NPAS3: variants seen among roughly 807,000 people sequenced by gnomAD.
NPAS3 encodes neuronal PAS domain-containing protein 3.
Under a neutral mutation model 73.1 loss-of-function variants are expected in NPAS3, and 14 were observed. The ratio of observed to expected loss-of-function variants is 0.19; its 90% CI spans 0.13 to 0.30. The LOEUF is 0.30. Ranked by LOEUF, NPAS3 falls within the 10% of genes least tolerant of loss-of-function variation. The pLI is 1.00. For missense variants in NPAS3, 1,096 were observed against 1,250.0 expected (o/e 0.88, Z 1.86); for synonymous variants, 620 against 541.5 (o/e 1.14, Z -2.01).
chr14:33,456,859 A>T (rs942993214), intron 4 of NPAS3, among the ~76,000 whole-genome samples: 9 of 152,162 alleles, frequency 5.9e-5, no homozygotes, highest in Non-Finnish European at 4.4e-5. Flanking sequence ...GGGCTGCAGA[A>T]ATCAGGATTT....
At chr14:33,266,696 A>G (rs954801434) in intron 3 of NPAS3, among the ~76,000 whole-genome samples, 5 of 152,178 alleles carry the variant, frequency 3.3e-5, no homozygotes, top group Admixed American at 2.0e-4. Context: ...CATGGCCAAT[A>G]TAGGTCTTGA....
chr14:33,516,445 T>C (rs1430707958), intron 4 of NPAS3, among the ~76,000 whole-genome samples: 1 of 152,186 alleles, frequency 6.6e-6, no homozygotes, highest in Non-Finnish European at 1.5e-5. Context: ...AATTACATAC[T>C]GTGGAATAGA....
chr14:33,109,208 G>C (rs943235396), intron 2 of NPAS3, among the ~76,000 whole-genome samples: 2 of 152,114 alleles, frequency 1.3e-5, no homozygotes, highest in African/African-American at 4.8e-5. Context: ...CTGAGCATGA[G>C]GTTAGAATAC....
intron 3 of NPAS3, among the ~76,000 whole-genome samples, chr14:33,316,049 T>C (rs1233079438): frequency 6.6e-6 from 1 of 152,116 alleles, no homozygotes; most frequent in Non-Finnish European, 1.5e-5. Flanking sequence ...ATAGAGCATG[T>C]TCCTGTGAGA....
intron 2 of NPAS3, among the ~76,000 whole-genome samples, chr14:33,178,583 G>C (rs954036839): frequency 3.3e-5 from 5 of 152,136 alleles, no homozygotes; most frequent in Non-Finnish European, 5.9e-5. Context: ...TTTAGATGCT[G>C]TTATAAATGG....
chr14:33,737,771 G>T (rs538802739), intron 7 of NPAS3, among the ~76,000 whole-genome samples: 1 of 152,220 alleles, frequency 6.6e-6, no homozygotes, highest in Admixed American at 6.5e-5. Flanking sequence ...AGTAAATCTA[G>T]CAGCTTATAA....
At chr14:33,208,613 A>T (rs142343759) in intron 2 of NPAS3, among the ~76,000 whole-genome samples, 28 of 152,238 alleles carry the variant, frequency 1.8e-4, no homozygotes, top group Non-Finnish European at 2.9e-4. Context: ...ATGTTTTTTG[A>T]CATTTTTTTA....
At chr14:33,720,090 TA>T (rs1413778015) in intron 6 of NPAS3, among the ~76,000 whole-genome samples, 1 of 152,118 alleles carries the variant, frequency 6.6e-6, no homozygotes, top group Non-Finnish European at 1.5e-5. Flanking sequence ...TTATTACCAA[TA>T]AAAGAGAAAA....
At chr14:33,254,909 G>A (rs1025480056) in intron 3 of NPAS3, among the ~76,000 whole-genome samples, 2 of 151,950 alleles carry the variant, frequency 1.3e-5, no homozygotes, top group African/African-American at 4.8e-5. Context: ...ATATATTCAT[G>A]GACTATGTCA....
chr14:32,984,911 A>C (rs181388703), intron 1 of NPAS3, among the ~76,000 whole-genome samples: 1 of 152,230 alleles, frequency 6.6e-6, no homozygotes, highest in Non-Finnish European at 1.5e-5. Flanking sequence ...CTAAAAGCTC[A>C]GTATTTGATT....
At position 33,413,464 on chromosome 14, in the gene NPAS3, G is replaced by A. The variant is rs147648754; in HGVS notation, c.468+46196G>A. Reference sequence around the variant, plus strand: ...GCAGCATCCTCAGATCTATCTTTTGGAGATAGATATTGATTTTCCTGCCTT... The same window carrying A: ...GCAGCATCCTCAGATCTATCTTTTGAAGATAGATATTGATTTTCCTGCCTT... On this transcript the variant is annotated intron_variant, in intron 4 of 11. Transcript: ENST00000356141. 6.0e-3 allele frequency among the ~76,000 whole-genome samples: 907 copies of A among 152,110 alleles called. 4 individuals are homozygous for A. The highest frequency in any genetic ancestry group is 0.021 in the African/African-American group (864 of 41,512).
At chr14:33,199,006 G>T (rs895272177) in intron 2 of NPAS3, among the ~76,000 whole-genome samples, 1 of 152,272 alleles carries the variant, frequency 6.6e-6, no homozygotes, top group East Asian at 1.9e-4. Context: ...GTCCGTGGCC[G>T]GCGGTGCCGG....
intron 5 of NPAS3, among the ~76,000 whole-genome samples, chr14:33,584,115 G>A (rs75846920): frequency 0.019 from 2,949 of 152,032 alleles, 43 homozygotes; most frequent in Non-Finnish European, 0.031. Flanking sequence ...TTTTGCTGTC[G>A]TAGACATCTT....
chr14:33,066,335 T>C (rs896032634), intron 2 of NPAS3, among the ~76,000 whole-genome samples: 7 of 152,198 alleles, frequency 4.6e-5, no homozygotes, highest in African/African-American at 1.4e-4. Context: ...GTAAAATTCA[T>C]GGTCAATACA....
chr14:33,645,986 T>C (rs889765937), intron 5 of NPAS3, among the ~76,000 whole-genome samples: 2 of 152,208 alleles, frequency 1.3e-5, no homozygotes, highest in African/African-American at 4.8e-5. Flanking sequence ...TGTATGTCTT[T>C]GCAAGGGGAG....
In NPAS3 at chr14:33,417,368, T is replaced by G. The variant is rs1217241704; in HGVS notation, c.468+50100T>G. On this transcript the variant is annotated intron_variant, in intron 4 of 11. Coordinates refer to ENST00000356141, the Ensembl canonical transcript of NPAS3. The stretch of plus-strand genomic sequence containing the variant: ...CCTCTAAAATATAACTGCAATGTTA[T>G]AACAGCCTGATCCGACATGGACCCT... Among the ~76,000 whole-genome samples the G allele has an allele frequency of 3.9e-5, 6 of 152,026 alleles. No individual in the cohort carries two copies. In the East Asian group the frequency reaches 9.6e-4, roughly 24 times the overall value.
At chr14:33,397,265 T>G (rs1325171092) in intron 4 of NPAS3, among the ~76,000 whole-genome samples, 2 of 152,172 alleles carry the variant, frequency 1.3e-5, no homozygotes, top group Non-Finnish European at 2.9e-5. Flanking sequence ...GAGTTTCCAC[T>G]AATAACTTGT....
At chr14:33,669,601 T>C (rs2140308916) in intron 5 of NPAS3, among the ~76,000 whole-genome samples, 1 of 152,344 alleles carries the variant, frequency 6.6e-6, no homozygotes, top group South Asian at 2.1e-4. Context: ...TAATTTACCC[T>C]TAAACAACAA....
intron 1 of NPAS3, among the ~76,000 whole-genome samples, chr14:33,054,803 G>C (rs914437962): frequency 6.6e-6 from 1 of 151,822 alleles, no homozygotes; most frequent in Non-Finnish European, 1.5e-5. Flanking sequence ...TAGTAGAGAT[G>C]GGGTTTCACC....
Sources: allele counts gnomAD v4.1 joint callset (sites outside exome capture counted in the v4.1 genomes callset), GRCh38; gene constraint gnomAD v4.1.1; transcripts MANE v1.5; gene names NCBI Gene and HGNC (gene_info 2026-07-23, HGNC 2026-07-21).